The following ICE1 variants were observed in gnomAD, a reference collection of about 807,000 sequenced individuals.
The protein encoded by ICE1 is interactor of little elongation complex ELL subunit 1.
Under a neutral mutation model 192.7 loss-of-function variants are expected in ICE1, and 64 were observed. The observed-to-expected ratio is 0.33, with a 90% confidence interval of 0.27 to 0.41. The LOEUF is 0.41. ICE1 is among the 10% of genes least tolerant of loss of function. The probability of loss-of-function intolerance (pLI) is 1.00; values close to 1 mark genes in which losing one functional copy is unlikely to be tolerated. For missense variants in ICE1, 2,708 were observed against 2,696.0 expected (o/e 1.00, Z -0.10); for synonymous variants, 1,010 against 984.5 (o/e 1.03, Z -0.49).
intron 15 of ICE1, among the ~76,000 whole-genome samples, chr5:5,472,156 A>T (rs965163466): frequency 6.6e-6 from 1 of 152,148 alleles, no homozygotes; most frequent in Admixed American, 6.5e-5. Flanking sequence ...AACTTTAAAC[A>T]TATTCATAAA....
At chr5:5,476,829 CGAG>C (rs1219534294) in intron 17 of ICE1, among the ~76,000 whole-genome samples, 3 of 152,126 alleles carry the variant, frequency 2.0e-5, no homozygotes, top group Non-Finnish European at 4.4e-5. Context: ...CAAACTGTAT[CGAG>C]GATATCTTCA....
intron 1 of ICE1, among the ~76,000 whole-genome samples, chr5:5,428,910 T>C (rs190962481): frequency 4.5e-4 from 69 of 152,314 alleles, no homozygotes; most frequent in African/African-American, 1.6e-3. Context: ...ACATTTTTGA[T>C]TGTCAGTGTT....
intron 10 of ICE1, among the ~76,000 whole-genome samples, chr5:5,453,618 A>G (rs538781530): frequency 8.5e-4 from 130 of 152,324 alleles, no homozygotes; most frequent in Middle Eastern, 3.4e-3. Context: ...AGTTGTATAC[A>G]TATACTTAAG....
chr5:5,468,812 AT>A lies in ICE1; in HGVS notation c.6062-12del. ...TCATACATCAAAGAGTTATTGTATT[AT>A]TTTATTTCTGATAGATTTTCCGGAG... On this transcript the variant is annotated splice_polypyrimidine_tract_variant and intron_variant, in intron 14 of 18. Transcript: ENST00000296564. The A allele has an allele frequency of 6.7e-7, 1 of 1,498,358 alleles. No homozygotes were observed. The highest frequency in any genetic ancestry group is 1.3e-5 in the South Asian group (1 of 79,682). 92.8% of individuals were successfully genotyped at this position (1,498,358 alleles called of 1,614,324 possible).
At chr5:5,459,991 C>G (rs1185967774) in intron 12 of ICE1, among the ~76,000 whole-genome samples, 1 of 152,012 alleles carries the variant, frequency 6.6e-6, no homozygotes, top group African/African-American at 2.4e-5. Context: ...CAGCGTCCCT[C>G]CCCCCCTGCA....
chr5:5,438,255 G>A (rs1429426704), intron 3 of ICE1, among the ~76,000 whole-genome samples: 3 of 152,186 alleles, frequency 2.0e-5, no homozygotes, highest in Non-Finnish European at 2.9e-5. Flanking sequence ...GACTGCCCCC[G>A]TGATCTGATC....
In ICE1 at chr5:5,461,578, A is replaced by G; in HGVS notation, c.2244A>G (p.Lys748=). The G allele has an allele frequency of 6.2e-7, 1 of 1,613,280 alleles. No individual in the cohort carries two copies. The highest frequency in any genetic ancestry group is 8.5e-7 in the Non-Finnish European group (1 of 1,179,532). The part of the protein sequence containing the change: ...LPRSVFMKAT[K]DGQCESQDPR... ...GGTCAGTATTTATGAAAGCTACAAA[A>G]GATGGGCAATGTGAAAGTCAAGATC... The change falls in exon 13 of 19, where the codon AAA becomes AAG. Residue 748 remains lysine (K), a synonymous_variant. Transcript: ENST00000296564.
At position 5,457,336 on chromosome 5, in the gene ICE1, A is replaced by T; in HGVS notation, c.696A>T (p.Lys232Asn). Residue 232 changes from lysine (K) to asparagine (N), a missense_variant, in exon 12 of 19, where the codon AAA (lysine) becomes AAT (asparagine). Lys to Asn is a moderately conservative substitution (Grantham distance 94). Around this residue, in one of 2 missense-constraint regions of ICE1, gnomAD observed 2,366 missense variants for 2,276.6 expected, o/e 1.04. Transcript: ENST00000296564. ...PGEGSRCVPE[K>N]PAKAITSSRV... ...TACTTTTGTTCCCCCACATAGAAAA[A>T]CCTGCCAAAGCAATCACCAGCTCCA... is the stretch of plus-strand genomic sequence containing the variant. 2 of 1,591,982 alleles carry T rather than the reference A, an allele frequency of 1.3e-6. No individual in the cohort carries two copies. The highest frequency in any genetic ancestry group is 1.7e-6 in the Non-Finnish European group (2 of 1,169,714).
intron 1 of ICE1, among the ~76,000 whole-genome samples, chr5:5,424,771 T>C (rs921016775): frequency 1.3e-5 from 2 of 151,982 alleles, no homozygotes; most frequent in Admixed American, 6.6e-5. Flanking sequence ...GGAAGAAAAG[T>C]CTCCCATACA....
At chr5:5,444,591 A>G (rs1738155683) in intron 7 of ICE1, among the ~76,000 whole-genome samples, 1 of 152,208 alleles carries the variant, frequency 6.6e-6, no homozygotes, top group Non-Finnish European at 1.5e-5. Context: ...TTTTGCTATA[A>G]AAAGCAGTAA....
chr5:5,462,722 C>G lies in ICE1; in HGVS notation c.3388C>G (p.Gln1130Glu), dbSNP rs1277421995. Residue 1130 changes from glutamine (Q) to glutamate (E), a missense_variant, in exon 13 of 19, where the codon CAG becomes GAG. Gln to Glu is a conservative substitution (Grantham distance 29). Transcript: ENST00000296564. The part of the protein sequence containing the change: ...SEQQDAPDDS[Q>E]KNLGDTDAAV... ...ACAGCAAGATGCTCCTGATGACTCA[C>G]AGAAAAATTTAGGAGACACAGATGC... 1.2e-6 allele frequency: 2 copies of G among 1,613,800 alleles called. No individual in the cohort carries two copies. The highest frequency in any genetic ancestry group is 2.2e-5 in the South Asian group (2 of 91,058).
rs1579548359 is a variant in ICE1 at position 5,444,334 on chromosome 5, G to A, written c.424+8G>A. 6.4e-7 allele frequency: 1 copy of A among 1,561,988 alleles called. No homozygotes were observed. Among genetic ancestry groups the A allele is most frequent in the Non-Finnish European group, 8.7e-7 (1 of 1,150,612 alleles). The stretch of plus-strand genomic sequence containing the variant: ...AGGTGAAGAAGCTGCAAGGTAAGTG[G>A]CACTATTGTTACCTGAAGTTTTCGG... On this transcript the variant is annotated splice_region_variant and intron_variant, in intron 7 of 18. Transcript: ENST00000296564.
intron 10 of ICE1, among the ~76,000 whole-genome samples, chr5:5,449,929 C>T (rs1005514884): frequency 5.3e-5 from 8 of 152,180 alleles, no homozygotes; most frequent in East Asian, 3.9e-4. Flanking sequence ...CTCACAACTG[C>T]GTCCACTTTC....
Position 5,486,800 on chromosome 5 carries a change from A to G in ICE1, c.6600A>G (p.Ile2200Met). 1 of 1,596,090 alleles carries G rather than the reference A, an allele frequency of 6.3e-7. No homozygotes were observed. The highest frequency in any genetic ancestry group is 8.5e-7 in the Non-Finnish European group (1 of 1,169,918). ...TTAGTTCGGTTATTGGTATGTTTAT[A>G]CAGCATGCTCACGATGAAGGTAAAA... is the stretch of plus-strand genomic sequence containing the variant. ...KNISSVIGMF[I>M]QHAHDEDIPW... Residue 2200 changes from isoleucine (I) to methionine (M), a missense_variant, in exon 18 of 19, where the codon ATA becomes ATG. Physicochemically the swap from Ile to Met is conservative, Grantham distance 10. Transcript: ENST00000296564.
At position 5,443,169 on chromosome 5, in the gene ICE1, G is replaced by A; in HGVS notation, c.311G>A (p.Ser104Asn). 3 of 1,463,706 alleles carry A rather than the reference G, an allele frequency of 2.0e-6. No individual in the cohort carries two copies. Among genetic ancestry groups the A allele is most frequent in the Non-Finnish European group, 2.8e-6 (3 of 1,088,694 alleles). 90.7% of individuals were successfully genotyped at this position (1,463,706 alleles called of 1,614,324 possible). ...TCTGTTTTTTTTCTTTTTTTAAAGA[G>A]TTCTTTAAAGTTGTATCAGGATACT... ...SLKAELEEKK[S>N]SLKLYQDTHQ... is the part of the protein sequence containing the mutation. The change falls in exon 6 of 19, where the codon AGT becomes AAT. Residue 104 changes from serine to asparagine, a missense_variant and splice_region_variant. Physicochemically the swap from Ser to Asn is conservative, Grantham distance 46. Transcript: ENST00000296564.
intron 1 of ICE1, among the ~76,000 whole-genome samples, chr5:5,433,951 T>G (rs1377545633): frequency 1.3e-5 from 2 of 151,958 alleles, no homozygotes; most frequent in African/African-American, 4.8e-5. Context: ...AAAAAAAACC[T>G]AAGTAGGATA....
chr5:5,444,328 TA>T lies in ICE1; in HGVS notation c.424+4del. ...AAGCTAAGGTGAAGAAGCTGCAAGG[TA>T]AGTGGCACTATTGTTACCTGAAGTT... On this transcript the variant is annotated splice_donor_region_variant and intron_variant, in intron 7 of 18. Coordinates refer to ENST00000296564, the MANE Select transcript of ICE1 (RefSeq NM_015325.3). 1 of 1,564,250 alleles carries T rather than the reference TA, an allele frequency of 6.4e-7. No homozygotes were observed.
chr5:5,429,991 AGAG>A, intron 1 of ICE1, among the ~76,000 whole-genome samples: 1 of 152,344 alleles, frequency 6.6e-6, no homozygotes, highest in Non-Finnish European at 1.5e-5. Context: ...ATGAGAGAAA[AGAG>A]GAGAGAATTG....
At chr5:5,488,166 G>T (rs1272793028) in intron 18 of ICE1, among the ~76,000 whole-genome samples, 2 of 152,226 alleles carry the variant, frequency 1.3e-5, no homozygotes, top group Non-Finnish European at 1.5e-5. Context: ...TTATGGGGGG[G>T]AGTAATATTA....
Sources: allele counts gnomAD v4.1 joint callset (sites outside exome capture counted in the v4.1 genomes callset), GRCh38; gene constraint gnomAD v4.1.1; regional missense constraint gnomAD v4.1.1; transcripts MANE v1.5; gene names NCBI Gene and HGNC (gene_info 2026-07-23, HGNC 2026-07-21).